The following C5AR2 variants were observed in gnomAD, a reference collection of about 807,000 sequenced individuals.
The protein encoded by C5AR2 is C5a anaphylatoxin chemotactic receptor 2.
For missense variants in C5AR2, 458 were observed against 467.5 expected (o/e 0.98, Z 0.19); for synonymous variants, 224 against 216.5 (o/e 1.03, Z -0.30).
In C5AR2 at chr19:47,341,422, G is replaced by A. The variant is rs998860026; in HGVS notation, c.623G>A (p.Gly208Asp). 1.9e-6 allele frequency: 3 copies of A among 1,612,412 alleles called. No individual in the cohort carries two copies. The highest frequency in any genetic ancestry group is 1.7e-5 in the Admixed American group (1 of 60,002). ...GTGACTGCCATCCGGTTTCTTTTTG[G>A]CTTCCTGGGGCCCCTGGTGGCCGTG... ...NAVTAIRFLF[G>D]FLGPLVAVAS... The change falls in exon 2 of 2, where the codon GGC (glycine) becomes GAC (aspartate). Residue 208 changes from glycine (G) to aspartate (D), a missense_variant. Coordinates refer to ENST00000595464, the MANE Select transcript of C5AR2 (RefSeq NM_001271749.2). This position sits in a 1 kb window ranked among gnomAD's most constrained non-coding sequence, Gnocchi z 4.6.
At chr19:47,338,002 G>A (rs189147296) in intron 1 of C5AR2, among the ~76,000 whole-genome samples, 3 of 151,684 alleles carry the variant, frequency 2.0e-5, no homozygotes, top group Non-Finnish European at 1.5e-5. Context: ...TTGAACCCAG[G>A]AAGCAGAGGT....
intron 1 of C5AR2, among the ~76,000 whole-genome samples, chr19:47,334,833 T>C (rs2059351389): frequency 6.6e-6 from 1 of 151,562 alleles, no homozygotes; most frequent in Non-Finnish European, 1.5e-5. Context: ...ACCTCAAATG[T>C]GTTCAGAACA....
At chr19:47,333,530 G>T (rs1345260322) in intron 1 of C5AR2, among the ~76,000 whole-genome samples, 1 of 151,872 alleles carries the variant, frequency 6.6e-6, no homozygotes, top group Non-Finnish European at 1.5e-5. Flanking sequence ...TTGCTGGGTC[G>T]TGAGGGAGGA....
At chr19:47,336,861 G>T (rs895083561) in intron 1 of C5AR2, among the ~76,000 whole-genome samples, 2 of 152,146 alleles carry the variant, frequency 1.3e-5, no homozygotes, top group African/African-American at 4.8e-5. Context: ...TACGAAAGTG[G>T]AATGCCAGAC....
At position 47,341,551 on chromosome 19, in the gene C5AR2, T is replaced by C. The variant is rs959055297; in HGVS notation, c.752T>C (p.Leu251Pro). 4.3e-6 allele frequency: 7 copies of C among 1,613,232 alleles called. No individual in the cohort carries two copies. Among genetic ancestry groups the C allele is most frequent in the Non-Finnish European group, 4.2e-6 (5 of 1,179,776 alleles). The change falls in exon 2 of 2, where the codon CTG becomes CCG. Residue 251 changes from leucine (L) to proline (P), a missense_variant. Transcript: ENST00000595464. This position sits in a 1 kb window ranked among gnomAD's most constrained non-coding sequence, Gnocchi z 4.6. ...TTTGTCTGCTGGGCACCCTACCACC[T>C]GCTGGGGCTGGTGCTCACTGTGGCG... ...GFFVCWAPYH[L>P]LGLVLTVAAP...
chr19:47,338,664 A>ATAATAATAG (rs2059369147), intron 1 of C5AR2, among the ~76,000 whole-genome samples: 1 of 145,260 alleles, frequency 6.9e-6, no homozygotes, highest in Non-Finnish European at 1.5e-5. Flanking sequence ...CAAAATAATA[A>ATAATAATAG]TAATAATAAT....
At chr19:47,335,714 G>A (rs575816397) in intron 1 of C5AR2, among the ~76,000 whole-genome samples, 1 of 127,928 alleles carries the variant, frequency 7.8e-6, no homozygotes, top group East Asian at 2.6e-4. Flanking sequence ...GGAGCTTGCA[G>A]TGAGCCGAGA....
In C5AR2 at chr19:47,341,145, C is replaced by T. The variant is rs756794042; in HGVS notation, c.346C>T (p.Leu116=). ...TCGGGCGCTGCCCTCCATCATCCTG[C>T]TGACCATGTATGCCAGCGTCCTGCT... ...GCRALPSIIL[L]TMYASVLLLA... The change falls in exon 2 of 2, where the codon CTG becomes TTG. Residue 116 remains leucine (L), a synonymous_variant. Transcript: ENST00000595464. This position sits in a 1 kb window ranked among gnomAD's most constrained non-coding sequence, Gnocchi z 4.6. 70 of 1,601,768 alleles carry T rather than the reference C, an allele frequency of 4.4e-5. No homozygotes were observed. The Middle Eastern group carries it at 9.9e-4, about 23-fold the overall frequency.
chr19:47,340,854 C>G lies in C5AR2; in HGVS notation c.55C>G (p.Arg19Gly). Residue 19 changes from arginine to glycine, a missense_variant, in exon 2 of 2, where the codon CGC becomes GGC. Arg to Gly is a moderately radical substitution (Grantham distance 125). Transcript: ENST00000595464. ...EYGDYSDLSD[R>G]PVDCLDGACL... ...TGGGGATTACAGCGACCTCTCGGAC[C>G]GCCCTGTGGACTGCCTGGATGGCGC... is the stretch of plus-strand genomic sequence containing the variant. 1.9e-6 allele frequency: 3 copies of G among 1,613,628 alleles called. No homozygotes were observed. The highest frequency in any genetic ancestry group is 2.5e-6 in the Non-Finnish European group (3 of 1,179,988).
intron 1 of C5AR2, among the ~76,000 whole-genome samples, chr19:47,337,912 A>T (rs2059364501): frequency 6.6e-6 from 1 of 151,626 alleles, no homozygotes; most frequent in Non-Finnish European, 1.5e-5. Context: ...CTCTACTAAA[A>T]ATACAAAAAA....
chr19:47,338,201 A>C (rs887415565), intron 1 of C5AR2, among the ~76,000 whole-genome samples: 1 of 151,830 alleles, frequency 6.6e-6, no homozygotes, highest in African/African-American at 2.4e-5. Context: ...ACTTGAGCAC[A>C]GAGTTTGAGG....
intron 1 of C5AR2, among the ~76,000 whole-genome samples, chr19:47,334,950 T>A (rs927217719): frequency 1.3e-5 from 2 of 151,768 alleles, no homozygotes; most frequent in Non-Finnish European, 2.9e-5. Context: ...AGTGGTGTGA[T>A]CTCAGCTGAC....
In C5AR2 at chr19:47,346,611, A is replaced by C. The variant is rs1390058473; in HGVS notation, c.*4798A>C. The C allele has an allele frequency of 6.6e-6, 1 of 152,150 alleles. No homozygotes were observed. Among genetic ancestry groups the C allele is most frequent in the South Asian group, 2.1e-4 (1 of 4,826 alleles). 9.4% of individuals were successfully genotyped at this position (152,150 alleles called of 1,614,324 possible). ...ACTCAGCTACTCGGGAGGTTGAGGC[A>C]GGAGAATGGCGTGAACCCAGGAGGC... On this transcript the variant is annotated 3_prime_UTR_variant, in exon 2 of 2. Transcript: ENST00000595464.
chr19:47,338,892 G>T (rs1327981472), intron 1 of C5AR2, among the ~76,000 whole-genome samples: 1 of 151,788 alleles, frequency 6.6e-6, no homozygotes, highest in African/African-American at 2.4e-5. Context: ...GGTGGCTCAC[G>T]CCTGTAATCC....
chr19:47,341,305 C>T lies in C5AR2; in HGVS notation c.506C>T (p.Ser169Phe). The T allele has an allele frequency of 6.2e-7, 1 of 1,609,314 alleles. No homozygotes were observed. The highest frequency in any genetic ancestry group is 1.7e-5 in the Admixed American group (1 of 60,012). ...CTGGCCTTGCTGCTCACCGTGCCCT[C>T]CGCCATCTACCGCCGGCTGCACCAG... ...WTLALLLTVP[S>F]AIYRRLHQEH... The change falls in exon 2 of 2, where the codon TCC becomes TTC. Residue 169 changes from serine (S) to phenylalanine (F), a missense_variant. By Grantham distance (155) the Ser-to-Phe change is radical. Transcript: ENST00000595464. The surrounding 1 kb of genome is among the most constrained non-coding windows in gnomAD (Gnocchi z 4.6).
At position 47,340,804 on chromosome 19, in the gene C5AR2, G is replaced by C; in HGVS notation, c.5G>C (p.Gly2Ala). The change falls in exon 2 of 2, where the codon GGG becomes GCG. Residue 2 changes from glycine (G) to alanine (A), a missense_variant. Gly to Ala is a moderately conservative substitution (Grantham distance 60). Coordinates refer to ENST00000595464, the MANE Select transcript of C5AR2 (RefSeq NM_001271749.2). ...GCCCAGACACCAGGAGCCTGAATGG[G>C]GAACGATTCTGTCAGCTACGAGTAT... M[G>A]NDSVSYEYGD... 6.2e-7 allele frequency: 1 copy of C among 1,613,364 alleles called. No individual in the cohort carries two copies. The highest frequency in any genetic ancestry group is 8.5e-7 in the Non-Finnish European group (1 of 1,179,936).
rs1568388328 is a variant in C5AR2 at position 47,342,373 on chromosome 19, AAGAT to A, written c.*561_*564del. ...TCCGTCTCAAAAAATAAATAAATAA[AAGAT>A]TCTATTTATTTATTTATTTTTTTGA... On this transcript the variant is annotated 3_prime_UTR_variant, in exon 2 of 2. Transcript: ENST00000595464. 2 of 147,844 alleles carry A rather than the reference AAGAT, an allele frequency of 1.4e-5. No individual in the cohort carries two copies. The highest frequency in any genetic ancestry group is 2.5e-5 in the African/African-American group (1 of 40,754). The allele number at this position is 147,844 out of a possible 1,614,324, so 9.2% of individuals were successfully genotyped here.
chr19:47,336,498 T>G (rs1198440671), intron 1 of C5AR2, among the ~76,000 whole-genome samples: 5 of 148,082 alleles, frequency 3.4e-5, no homozygotes, highest in African/African-American at 5.0e-5. Context: ...CCTTTCTTTC[T>G]TTCTTTCTTT....
chr19:47,336,907 C>G (rs2059360508), intron 1 of C5AR2, among the ~76,000 whole-genome samples: 1 of 152,148 alleles, frequency 6.6e-6, no homozygotes, highest in African/African-American at 2.4e-5. Context: ...GGACTCTTCA[C>G]TGCTACCTGG....
Sources: gnomAD v4.1 joint callset for allele counts (sites outside exome capture counted in the v4.1 genomes callset) on GRCh38, gnomAD v4.1.1 for gene constraint, Gnocchi (gnomAD v3.1) non-coding constraint, MANE v1.5 for transcripts, NCBI Gene and HGNC (gene_info 2026-07-23, HGNC 2026-07-21) for gene names.